The following POFUT2 variants were observed in gnomAD, a reference collection of about 807,000 sequenced individuals.
POFUT2 encodes GDP-fucose protein O-fucosyltransferase 2.
A neutral mutation model predicts 55.0 loss-of-function variants in POFUT2; 30 were observed. That is an observed-to-expected ratio of 0.55 (90% CI 0.41 to 0.74). The LOEUF (loss-of-function observed/expected upper bound fraction) is 0.74. POFUT2 is among the 30% of genes least tolerant of loss of function. The pLI is 0.00. For missense variants in POFUT2, 524 were observed against 562.6 expected, an observed-to-expected ratio of 0.93 and a Z score of 0.69; for synonymous variants, 267 against 231.1, an observed-to-expected ratio of 1.16 and a Z score of -1.41.
At chr21:45,269,274 C>T (rs2093195197) in intron 7 of POFUT2, among the ~76,000 whole-genome samples, 3 of 152,386 alleles carry the variant, frequency 2.0e-5, no homozygotes, top group South Asian at 2.1e-4. Flanking sequence ...GCCACCACCC[C>T]GTCTGGGAGG....
At chr21:45,278,435 G>A (rs1324394055) in intron 4 of POFUT2, among the ~76,000 whole-genome samples, 3 of 152,258 alleles carry the variant, frequency 2.0e-5, no homozygotes, top group Admixed American at 2.0e-4. Context: ...AATTTGAGGA[G>A]TGTATTTGAC....
rs890019778 is a variant in POFUT2, at chr21:45,281,567, C to T, written c.638+782G>A. 3.3e-5 allele frequency among the ~76,000 whole-genome samples: 5 copies of T among 152,190 alleles called. No individual in the cohort carries two copies. In the South Asian group the frequency reaches 6.3e-4, roughly 19 times the overall value. Reference sequence around the variant, plus strand: ...CAGCTGTTACTGACCAGGGTGATACCGAGCCAGCTGTGATGTGCAACAGGA... The same window carrying T: ...CAGCTGTTACTGACCAGGGTGATACTGAGCCAGCTGTGATGTGCAACAGGA... On this transcript the variant is annotated intron_variant, in intron 4 of 8. Transcript: ENST00000349485. This position sits in a 1 kb window ranked among gnomAD's most constrained non-coding sequence, Gnocchi z 5.0.
In POFUT2 at chr21:45,282,456, T is replaced by C. The variant is rs2030801807; in HGVS notation, c.531A>G (p.Gly177=). Reference sequence around the variant, plus strand: ...TGGTCTCCTCATAACCCCAAAACCATCCTCTGGAAAACAAAACCCACAGCA... The same window carrying C: ...TGGTCTCCTCATAACCCCAAAACCACCCTCTGGAAAACAAAACCCACAGCA... The part of the protein sequence containing the change: ...YSQDKHEYYR[G]WFWGYEETRG... The change falls in exon 4 of 9, where the codon GGA becomes GGG. Residue 177 remains glycine (G), a synonymous_variant. Transcript: ENST00000349485. This position sits in a 1 kb window ranked among gnomAD's most constrained non-coding sequence, Gnocchi z 4.6. The C allele has an allele frequency of 6.9e-6, 11 of 1,595,514 alleles. No homozygotes were observed. In the East Asian group the frequency reaches 2.5e-4, roughly 36 times the overall value.
At position 45,264,709 on chromosome 21, in the gene POFUT2, G is replaced by A. The variant is rs1015149632; in HGVS notation, c.*773C>T. The A allele has an allele frequency of 2.0e-5, 3 of 150,346 alleles. No homozygotes were observed. Among genetic ancestry groups the A allele is most frequent in the South Asian group, 2.1e-4 (1 of 4,762 alleles). 9.3% of individuals were successfully genotyped at this position (150,346 alleles called of 1,614,324 possible). On this transcript the variant is annotated 3_prime_UTR_variant, in exon 9 of 9. Coordinates refer to ENST00000349485, the MANE Select transcript of POFUT2 (RefSeq NM_133635.6). ...GAGGGTGGGGCGGGGCAGTCGGGGCGAGGGAGGGGTGGCCAGTGGGGGCGA... is the reference window on the plus strand; with the variant it reads ...GAGGGTGGGGCGGGGCAGTCGGGGCAAGGGAGGGGTGGCCAGTGGGGGCGA...
intron 4 of POFUT2, among the ~76,000 whole-genome samples, chr21:45,280,271 A>G (rs1047225436): frequency 6.6e-5 from 10 of 152,186 alleles, no homozygotes; most frequent in Admixed American, 6.5e-4. Flanking sequence ...TGCACATGGA[A>G]CATGACTACA....
chr21:45,276,969 CAG>C (rs1429264422), intron 6 of POFUT2, 46 bp downstream of exon 6: 30 of 1,601,526 alleles, frequency 1.9e-5, no homozygotes, highest in Non-Finnish European at 2.6e-5. Flanking sequence ...GGGGCATCTC[CAG>C]AGAGACTTTA....
chr21:45,277,308 T>C lies in POFUT2; in HGVS notation c.706-166A>G, dbSNP rs1569225489. 1.2e-6 allele frequency: 1 copy of C among 860,924 alleles called. No individual in the cohort carries two copies. Among genetic ancestry groups the C allele is most frequent in the Non-Finnish European group, 1.7e-6 (1 of 579,546 alleles). 53.3% of individuals were successfully genotyped at this position (860,924 alleles called of 1,614,324 possible). On this transcript the variant is annotated intron_variant, in intron 5 of 8. Transcript: ENST00000349485. This position sits in a 1 kb window ranked among gnomAD's most constrained non-coding sequence, Gnocchi z 6.9. ...AAGCAGCGCCATCCACGGTGGAGGCTCTTGGAGGGTCTCCTGCATGAAGCC... is the reference window on the plus strand; with the variant it reads ...AAGCAGCGCCATCCACGGTGGAGGCCCTTGGAGGGTCTCCTGCATGAAGCC...
rs2093163960 is a variant in POFUT2, at chr21:45,267,211, C to T, written c.1136+379G>A. 7.1e-7 allele frequency: 1 copy of T among 1,402,898 alleles called. No individual in the cohort carries two copies. The highest frequency in any genetic ancestry group is 1.4e-5 in the African/African-American group (1 of 69,080). 86.9% of individuals were successfully genotyped at this position (1,402,898 alleles called of 1,614,324 possible). A position where few individuals can be genotyped will look rare whatever the true frequency, so the allele number is the denominator to read the frequency against. On this transcript the variant is annotated intron_variant, in intron 8 of 8. Coordinates refer to ENST00000349485, the MANE Select transcript of POFUT2 (RefSeq NM_133635.6). The surrounding 1 kb of genome is among the most constrained non-coding windows in gnomAD (Gnocchi z 4.4). Reference sequence around the variant, plus strand: ...CCGGCCTCGGGGACGCTCACGGATGCTCAACAACACAGCAACAAGGACATG... The same window carrying T: ...CCGGCCTCGGGGACGCTCACGGATGTTCAACAACACAGCAACAAGGACATG...
Position 45,265,804 on chromosome 21 carries a change from C to A in POFUT2, c.1137-169G>T. ...CAGCCGGCCGCCCCCTTGCTGGCAC[C>A]CCTCGCTCAGGTGCCCTCGACATCG... On this transcript the variant is annotated intron_variant, in intron 8 of 8. Transcript: ENST00000349485. This position sits in a 1 kb window ranked among gnomAD's most constrained non-coding sequence, Gnocchi z 4.6. 7.0e-7 allele frequency: 1 copy of A among 1,422,648 alleles called. No homozygotes were observed. 88.1% of individuals were successfully genotyped at this position (1,422,648 alleles called of 1,614,324 possible). A position where few individuals can be genotyped will look rare whatever the true frequency, so the allele number is the denominator to read the frequency against.
rs748382971 is a variant in POFUT2, at chr21:45,285,390, G to A, written c.382+288C>T. ...TCCTGTCACTATAACACCCAGGGGT[G>A]GCCGCTTTCTTAGGGTGTAAGGGCG... is the stretch of plus-strand genomic sequence containing the variant. On this transcript the variant is annotated intron_variant, in intron 2 of 8. Transcript: ENST00000349485. The surrounding 1 kb of genome is among the most constrained non-coding windows in gnomAD (Gnocchi z 4.9). 2.3e-6 allele frequency: 1 copy of A among 427,268 alleles called. No individual in the cohort carries two copies. The highest frequency in any genetic ancestry group is 4.4e-6 in the Non-Finnish European group (1 of 224,928). 26.5% of individuals were successfully genotyped at this position (427,268 alleles called of 1,614,324 possible). A position where few individuals can be genotyped will look rare whatever the true frequency, so the allele number is the denominator to read the frequency against.
intron 4 of POFUT2, among the ~76,000 whole-genome samples, chr21:45,280,575 G>A (rs1031911514): frequency 3.3e-5 from 5 of 152,210 alleles, no homozygotes; most frequent in Non-Finnish European, 2.9e-5. Context: ...TTGGTTTCCC[G>A]AGCATGACAG....
chr21:45,275,205 T>C (rs2093252018), intron 6 of POFUT2, among the ~76,000 whole-genome samples: 1 of 152,220 alleles, frequency 6.6e-6, no homozygotes, highest in South Asian at 2.1e-4. Flanking sequence ...GAAATGCAAA[T>C]GAAAACCACA....
At chr21:45,280,994 T>TC (rs2030567098) in intron 4 of POFUT2, among the ~76,000 whole-genome samples, 1 of 152,256 alleles carries the variant, frequency 6.6e-6, no homozygotes, top group African/African-American at 2.4e-5. Flanking sequence ...TTTTCCCATC[T>TC]TGTTGAAGAA....
At chr21:45,286,201 C>T (rs1484821069) in intron 1 of POFUT2, among the ~76,000 whole-genome samples, 1 of 152,174 alleles carries the variant, frequency 6.6e-6, no homozygotes, top group Non-Finnish European at 1.5e-5. Flanking sequence ...AGAATCAGTA[C>T]CCACATGGTT....
At chr21:45,286,569 C>G (rs975867881) in intron 1 of POFUT2, among the ~76,000 whole-genome samples, 1 of 152,158 alleles carries the variant, frequency 6.6e-6, no homozygotes, top group Non-Finnish European at 1.5e-5. Context: ...GTGAAAAAGG[C>G]GTATAATACT....
Position 45,265,675 on chromosome 21 carries a change from GGCGTCACAGAGGTTCC to G in POFUT2, c.1137-56_1137-41del. The G allele has an allele frequency of 1.3e-6, 1 of 773,890 alleles. No homozygotes were observed. 47.9% of individuals were successfully genotyped at this position (773,890 alleles called of 1,614,324 possible). On this transcript the variant is annotated intron_variant, in intron 8 of 8. Transcript: ENST00000349485. This position sits in a 1 kb window ranked among gnomAD's most constrained non-coding sequence, Gnocchi z 4.6. ...AGAGGTTCCAGAGTCAGGGAGAACTGGCGTCACAGAGGTTCCAGAGTCAGGGAGAACTGAGAGGAGC... is the reference window on the plus strand; with the variant it reads ...AGAGGTTCCAGAGTCAGGGAGAACTGAGAGTCAGGGAGAACTGAGAGGAGC...
Position 45,278,159 on chromosome 21 carries a change from A to T in POFUT2, c.649T>A (p.Leu217Ile). Residue 217 changes from leucine to isoleucine, a missense_variant, in exon 5 of 9, where the codon TTA becomes ATA. By Grantham distance (5) the Leu-to-Ile change is conservative. This residue lies in a region of POFUT2 where 250 missense variants were observed against 318.2 expected (regional missense o/e 0.79). Coordinates refer to ENST00000349485, the MANE Select transcript of POFUT2 (RefSeq NM_133635.6). ...LRNTSARSVM[L>I]DRAENLLHDH... Reference sequence around the variant, plus strand: ...TGAAGTAGGTTCTCGGCTCTGTCTAACATCACGGACCTGTTTTTAAACAAC... The same window carrying T: ...TGAAGTAGGTTCTCGGCTCTGTCTATCATCACGGACCTGTTTTTAAACAAC... 6.2e-7 allele frequency: 1 copy of T among 1,612,490 alleles called. No homozygotes were observed. The highest frequency in any genetic ancestry group is 8.5e-7 in the Non-Finnish European group (1 of 1,178,546).
rs563811026 is a variant in POFUT2 at position 45,277,156 on chromosome 21, G to A, written c.706-14C>T. On this transcript the variant is annotated splice_polypyrimidine_tract_variant and intron_variant, in intron 5 of 8. Coordinates refer to ENST00000349485, the MANE Select transcript of POFUT2 (RefSeq NM_133635.6). This position sits in a 1 kb window ranked among gnomAD's most constrained non-coding sequence, Gnocchi z 6.9. ...GCTGCGACGGGTCTGTGGAAACGGCGACGGCTCGGCTGAGAACACGCCCGC... is the reference window on the plus strand; with the variant it reads ...GCTGCGACGGGTCTGTGGAAACGGCAACGGCTCGGCTGAGAACACGCCCGC... 3.5e-5 allele frequency: 56 copies of A among 1,610,538 alleles called. 1 individual carries two copies. In the East Asian group the frequency reaches 8.0e-4, roughly 23 times the overall value.
Position 45,287,856 on chromosome 21 carries a change from A to G in POFUT2, c.16T>C (p.Phe6Leu), listed in dbSNP as rs776304042. 3.5e-6 allele frequency: 5 copies of G among 1,408,870 alleles called. No homozygotes were observed. The African/African-American group carries it at 6.1e-5, about 17-fold the overall frequency. 87.3% of individuals were successfully genotyped at this position (1,408,870 alleles called of 1,614,324 possible). A position where few individuals can be genotyped will look rare whatever the true frequency, so the allele number is the denominator to read the frequency against. Residue 6 changes from phenylalanine (F) to leucine (L), a missense_variant, in exon 1 of 9, where the codon TTC becomes CTC. Transcript: ENST00000349485. Reference sequence around the variant, plus strand: ...ACTGCCCCCAGCAGCAGGAAGACGAAGCTGAGTGTCGCCATGGCCCCGGGC... The same window carrying G: ...ACTGCCCCCAGCAGCAGGAAGACGAGGCTGAGTGTCGCCATGGCCCCGGGC... MATLS[F>L]VFLLLGAVSW...
Sources: gnomAD v4.1 joint callset for allele counts (sites outside exome capture counted in the v4.1 genomes callset) on GRCh38, gnomAD v4.1.1 for gene constraint, gnomAD v4.1.1 regional missense constraint, Gnocchi (gnomAD v3.1) non-coding constraint, MANE v1.5 for transcripts, NCBI Gene and HGNC (gene_info 2026-07-23, HGNC 2026-07-21) for gene names.